The following VPS8 variants were observed in gnomAD, a reference collection of about 807,000 sequenced individuals.
The protein encoded by VPS8 is VPS8 subunit of CORVET complex, also known as vacuolar protein sorting-associated protein 8 homolog.
Under a neutral mutation model 216.4 loss-of-function variants are expected in VPS8, and 129 were observed. That is an observed-to-expected ratio of 0.60 (90% CI 0.52 to 0.69). VPS8 has a LOEUF of 0.69. Among genes scored for constraint, VPS8 ranks in the 30% least tolerant of loss-of-function variants. VPS8 has a pLI of 0.00. For missense variants in VPS8, 1,531 were observed against 1,683.5 expected (o/e 0.91, Z 1.59); for synonymous variants, 571 against 565.4 (o/e 1.01, Z -0.14).
At chr3:184,873,687 A>G (rs1489546730) in intron 21 of VPS8, among the ~76,000 whole-genome samples, 2 of 152,204 alleles carry the variant, frequency 1.3e-5, no homozygotes, top group African/African-American at 4.8e-5. Context: ...TCATGACCAC[A>G]GAGAATGGTT....
At chr3:184,933,251 C>G (rs1462410354) in intron 34 of VPS8, among the ~76,000 whole-genome samples, 2 of 152,180 alleles carry the variant, frequency 1.3e-5, no homozygotes, top group Non-Finnish European at 2.9e-5. Context: ...CTTTCCCAAT[C>G]TAGTGGATGT....
intron 39 of VPS8, 84 bp from the exon 40 acceptor site, chr3:184,971,565 A>C (rs912732226): frequency 4.7e-5 from 46 of 983,578 alleles, no homozygotes; most frequent in Non-Finnish European, 6.1e-5. Context: ...TGATGCAAAG[A>C]AAAAGAAGTT....
intron 1 of VPS8, among the ~76,000 whole-genome samples, chr3:184,823,961 T>C (rs1326043445): frequency 6.6e-6 from 1 of 152,208 alleles, no homozygotes; most frequent in African/African-American, 2.4e-5. Context: ...AAATCTCTGG[T>C]AGGCTATGGA....
At chr3:184,985,853 G>A (rs550614452) in intron 42 of VPS8, among the ~76,000 whole-genome samples, 2 of 152,102 alleles carry the variant, frequency 1.3e-5, no homozygotes, top group South Asian at 2.1e-4. Flanking sequence ...AGAAGGAGAC[G>A]AATGTAGTAG....
chr3:184,874,353 A>G (rs1461129625), intron 21 of VPS8, among the ~76,000 whole-genome samples: 2 of 152,172 alleles, frequency 1.3e-5, no homozygotes, highest in African/African-American at 4.8e-5. Context: ...ACCCAAAAAT[A>G]TTCTTTGGTG....
intron 1 of VPS8, among the ~76,000 whole-genome samples, chr3:184,819,689 A>G (rs1398152390): frequency 6.6e-6 from 1 of 152,210 alleles, no homozygotes; most frequent in East Asian, 1.9e-4. Flanking sequence ...ACTTATATTT[A>G]TTAGTACAGT....
rs919255935 is a variant in VPS8, at chr3:185,002,028, G to A, written c.4002+2167G>A. On this transcript the variant is annotated intron_variant, in intron 45 of 47. Transcript: ENST00000625842. ...TTCCCTTGAAGGGAAAAGAAAAGGA[G>A]TAAGCTAGACGAGTTTAAGTGCAAC... 3.9e-5 allele frequency among the ~76,000 whole-genome samples: 6 copies of A among 152,320 alleles called. No homozygotes were observed. In the South Asian group the frequency reaches 1.2e-3, roughly 32 times the overall value.
At chr3:184,900,054 G>A (rs1005251490) in intron 24 of VPS8, among the ~76,000 whole-genome samples, 1 of 152,134 alleles carries the variant, frequency 6.6e-6, no homozygotes, top group African/African-American at 2.4e-5. Context: ...GAATGAAAGC[G>A]TGTCATCACA....
intron 46 of VPS8, among the ~76,000 whole-genome samples, chr3:185,034,235 G>A (rs1758563647): frequency 6.6e-6 from 1 of 152,162 alleles, no homozygotes; most frequent in Non-Finnish European, 1.5e-5. Context: ...TTTTATAGCT[G>A]TGTAGTAGTC....
At chr3:184,875,963 C>A (rs548658689) in intron 21 of VPS8, among the ~76,000 whole-genome samples, 1 of 151,802 alleles carries the variant, frequency 6.6e-6, no homozygotes, top group East Asian at 1.9e-4. Flanking sequence ...GCACTCCAAC[C>A]TGGGTGACAG....
intron 22 of VPS8, chr3:184,893,170 T>G (rs1732698590): frequency 1.1e-6 from 1 of 886,738 alleles, no homozygotes; most frequent in African/African-American, 1.8e-5. Context: ...TGCTGTTAAT[T>G]GCAGGGTGGT....
chr3:184,930,954 C>G (rs1425503195), intron 34 of VPS8, among the ~76,000 whole-genome samples: 1 of 152,156 alleles, frequency 6.6e-6, no homozygotes, highest in African/African-American at 2.4e-5. Context: ...ATGTGTTTCT[C>G]TTCCTTATAT....
At chr3:184,913,269 A>G (rs1389803010) in intron 25 of VPS8, among the ~76,000 whole-genome samples, 1 of 152,186 alleles carries the variant, frequency 6.6e-6, no homozygotes. Context: ...GGCCAACAGT[A>G]CATAGATCTC....
At chr3:184,976,341 T>A (rs1007757073) in intron 40 of VPS8, among the ~76,000 whole-genome samples, 5 of 152,116 alleles carry the variant, frequency 3.3e-5, no homozygotes, top group Non-Finnish European at 7.4e-5. Context: ...ATTCCTAGAT[T>A]TTTATTTTTA....
intron 29 of VPS8, 34 bp from the exon 30 acceptor site, chr3:184,924,828 G>A (rs749953566): frequency 6.3e-7 from 1 of 1,578,246 alleles, no homozygotes; most frequent in Non-Finnish European, 8.6e-7. Flanking sequence ...AAACCAAATG[G>A]TGTATTGAAT....
chr3:184,924,722 A>G, intron 29 of VPS8, 140 bp from the exon 30 acceptor site: 1 of 1,108,870 alleles, frequency 9.0e-7, no homozygotes, highest in Non-Finnish European at 1.2e-6. Context: ...AATGGCGTTG[A>G]ATTCAATTGT....
intron 45 of VPS8, among the ~76,000 whole-genome samples, chr3:185,012,690 A>G (rs918454582): frequency 6.6e-6 from 1 of 152,200 alleles, no homozygotes; most frequent in Non-Finnish European, 1.5e-5. Context: ...CCAGAAGACA[A>G]TAAGCTGGCA....
chr3:184,884,912 C>T (rs908037328), intron 21 of VPS8, among the ~76,000 whole-genome samples: 2 of 152,140 alleles, frequency 1.3e-5, no homozygotes, highest in Non-Finnish European at 2.9e-5. Flanking sequence ...TTTTCTCTAG[C>T]ATTTCTAGGG....
chr3:184,905,258 A>T (rs1412136971), intron 25 of VPS8, among the ~76,000 whole-genome samples: 1 of 152,022 alleles, frequency 6.6e-6, no homozygotes, highest in African/African-American at 2.4e-5. Flanking sequence ...AGACCATAGC[A>T]CTAGTTTAGT....
Sources: allele counts gnomAD v4.1 joint callset (sites outside exome capture counted in the v4.1 genomes callset), GRCh38; gene constraint gnomAD v4.1.1; transcripts MANE v1.5; gene names NCBI Gene and HGNC (gene_info 2026-07-23, HGNC 2026-07-21).